The following ROCK2 variants were observed in gnomAD, a reference collection of about 807,000 sequenced individuals.
ROCK2 encodes Rho associated coiled-coil containing protein kinase 2, also known as rho-associated protein kinase 2.
In ROCK2, 61 loss-of-function variants were observed where a neutral mutation model predicts 195.1. The ratio of observed to expected loss-of-function variants is 0.31; its 90% CI spans 0.25 to 0.39. The LOEUF is 0.39. ROCK2 is among the 10% of genes least tolerant of loss of function. The pLI is 1.00. For missense variants in ROCK2, 1,109 were observed against 1,637.4 expected, an observed-to-expected ratio of 0.68 and a Z score of 5.57; for synonymous variants, 504 against 545.5, an observed-to-expected ratio of 0.92 and a Z score of 1.06.
At chr2:11,335,070 T>A (rs917898436) in intron 1 of ROCK2, among the ~76,000 whole-genome samples, 1 of 150,004 alleles carries the variant, frequency 6.7e-6, no homozygotes, top group Non-Finnish European at 1.5e-5. Flanking sequence ...TTATTGACAA[T>A]GAACTAAAAA....
chr2:11,184,969 C>T (rs959137476), intron 32 of ROCK2, among the ~76,000 whole-genome samples: 1 of 152,138 alleles, frequency 6.6e-6, no homozygotes, highest in East Asian at 1.9e-4. Flanking sequence ...ATCATGTTGG[C>T]CAAGTACACT....
chr2:11,234,204 A>G (rs1665124199), intron 5 of ROCK2: 1 of 152,170 alleles, frequency 6.6e-6, no homozygotes, highest in African/African-American at 2.4e-5. Flanking sequence ...ATTTGCTTAC[A>G]TGCTTATACA....
chr2:11,180,808 A>G lies in ROCK2; in HGVS notation c.*2629T>C, dbSNP rs1420516615. ...ATTTAATAAGTGTTGGGAAGAAAAC[A>G]CATTGATAGGTGCATGCACTCATGT... On this transcript the variant is annotated 3_prime_UTR_variant, in exon 33 of 33. Transcript: ENST00000315872. The G allele has an allele frequency of 6.6e-6, 1 of 152,218 alleles. No individual in the cohort carries two copies. The highest frequency in any genetic ancestry group is 1.5e-5 in the Non-Finnish European group (1 of 68,038). 9.4% of individuals were successfully genotyped at this position (152,218 alleles called of 1,614,324 possible). A position where few individuals can be genotyped will look rare whatever the true frequency, so the allele number is the denominator to read the frequency against.
intron 1 of ROCK2, among the ~76,000 whole-genome samples, chr2:11,319,002 T>C (rs532391737): frequency 2.0e-4 from 30 of 152,366 alleles, no homozygotes; most frequent in South Asian, 8.3e-4. Flanking sequence ...TTTTGGTTAC[T>C]GTAGCCTTGT....
chr2:11,342,773 CAT>C (rs1050092598), intron 1 of ROCK2, among the ~76,000 whole-genome samples: 2 of 152,226 alleles, frequency 1.3e-5, no homozygotes, highest in African/African-American at 2.4e-5. Context: ...ACATCAAACA[CAT>C]GTGACACAAT....
At chr2:11,289,374 T>C (rs1667293694) in intron 1 of ROCK2, among the ~76,000 whole-genome samples, 1 of 152,198 alleles carries the variant, frequency 6.6e-6, no homozygotes, top group South Asian at 2.1e-4. Context: ...TTTATTAGTA[T>C]AATTTTGATA....
At chr2:11,263,139 T>C (rs1385797536) in intron 3 of ROCK2, among the ~76,000 whole-genome samples, 1 of 152,216 alleles carries the variant, frequency 6.6e-6, no homozygotes, top group Admixed American at 6.5e-5. Context: ...AAGTTGAGTT[T>C]ACATGAGTAG....
At chr2:11,330,750 A>AGGG (rs1284607894) in intron 1 of ROCK2, among the ~76,000 whole-genome samples, 2 of 37,260 alleles carry the variant, frequency 5.4e-5, no homozygotes, top group Non-Finnish European at 1.3e-4. Context: ...GGGAGGAGGG[A>AGGG]GGAGGAGGAG....
At chr2:11,185,725 G>A (rs553064028) in intron 32 of ROCK2, among the ~76,000 whole-genome samples, 131 of 151,802 alleles carry the variant, frequency 8.6e-4, no homozygotes, top group Admixed American at 1.7e-3. Context: ...GTGAGACTTC[G>A]TCTCAAAAAA....
chr2:11,238,090 G>A (rs1009155650), intron 4 of ROCK2, among the ~76,000 whole-genome samples: 1 of 152,010 alleles, frequency 6.6e-6, no homozygotes, highest in African/African-American at 2.4e-5. Context: ...GGGGAGAAAA[G>A]GAATAAATCC....
chr2:11,197,412 G>T lies in ROCK2; in HGVS notation c.3280-64C>A. ...ACATAACTCAACATTTTGCTTCTTG[G>T]TTCAATAATAATTATTAAATAGAAA... On this transcript the variant is annotated intron_variant, in intron 26 of 32. Transcript: ENST00000315872. This position sits in a 1 kb window ranked among gnomAD's most constrained non-coding sequence, Gnocchi z 4.9. 1 of 1,542,190 alleles carries T rather than the reference G, an allele frequency of 6.5e-7. No individual in the cohort carries two copies. The highest frequency in any genetic ancestry group is 8.8e-7 in the Non-Finnish European group (1 of 1,130,194).
rs1331339792 is a variant in ROCK2 at position 11,344,381 on chromosome 2, C to G, written c.-245G>C. 5 of 1,141,044 alleles carry G rather than the reference C, an allele frequency of 4.4e-6. No individual in the cohort carries two copies. The highest frequency in any genetic ancestry group is 5.4e-6 in the Non-Finnish European group (5 of 930,294). 70.7% of individuals were successfully genotyped at this position (1,141,044 alleles called of 1,614,324 possible). ...GGAGCGGCGGGGAACAGACGGCGTC[C>G]CCGCCCCTCAGTCAGATTCGCGCCG... On this transcript the variant is annotated 5_prime_UTR_variant, in exon 1 of 33. Coordinates refer to ENST00000315872, the MANE Select transcript of ROCK2 (RefSeq NM_004850.5). The surrounding 1 kb of genome is among the most constrained non-coding windows in gnomAD (Gnocchi z 5.4).
At chr2:11,268,586 A>G (rs1359760695) in intron 3 of ROCK2, among the ~76,000 whole-genome samples, 4 of 146,524 alleles carry the variant, frequency 2.7e-5, no homozygotes, top group Non-Finnish European at 4.5e-5. Context: ...CTTTTTTTCT[A>G]TCAGCCCTTT....
intron 6 of ROCK2, among the ~76,000 whole-genome samples, chr2:11,224,879 A>C (rs914075391): frequency 1.3e-5 from 2 of 152,192 alleles, no homozygotes; most frequent in African/African-American, 4.8e-5. Context: ...CACAGTTGCC[A>C]CTAGCTATAG....
chr2:11,307,589 G>A (rs952880949), intron 1 of ROCK2, among the ~76,000 whole-genome samples: 2 of 152,188 alleles, frequency 1.3e-5, no homozygotes, highest in African/African-American at 4.8e-5. Flanking sequence ...TGGTATTACA[G>A]GCGTTAGCCA....
intron 1 of ROCK2, among the ~76,000 whole-genome samples, chr2:11,341,821 G>A (rs2148282666): frequency 6.6e-6 from 1 of 152,136 alleles, no homozygotes; most frequent in South Asian, 2.1e-4. Context: ...TATTTCGTCA[G>A]TATTTCAGGA....
intron 1 of ROCK2, among the ~76,000 whole-genome samples, chr2:11,299,558 A>G (rs1667642537): frequency 6.6e-6 from 1 of 152,056 alleles, no homozygotes; most frequent in Admixed American, 6.6e-5. Flanking sequence ...AAAAAAAAAA[A>G]TGGAGAAGTG....
At chr2:11,248,901 T>C (rs1665727773) in intron 4 of ROCK2, among the ~76,000 whole-genome samples, 1 of 151,896 alleles carries the variant, frequency 6.6e-6, no homozygotes. Flanking sequence ...TAACATAAGC[T>C]TCTTTTTTTG....
At position 11,218,460 on chromosome 2, in the gene ROCK2, G is replaced by T; in HGVS notation, c.1327C>A (p.Gln443Lys). The stretch of plus-strand genomic sequence containing the variant: ...ATCTGACAACATCAACATACCTCTT[G>T]ACTTTCCTATTTAAAACAAAACAGA... ...SIQSRKNEES[Q>K]EIQKKLYTLE... The change falls in exon 11 of 33, where the codon CAA (glutamine) becomes AAA (lysine). Residue 443 changes from glutamine to lysine, a missense_variant. Gln to Lys is a moderately conservative substitution (Grantham distance 53). Transcript: ENST00000315872. The T allele has an allele frequency of 6.4e-7, 1 of 1,555,316 alleles. No individual in the cohort carries two copies.
Sources: allele counts gnomAD v4.1 joint callset (sites outside exome capture counted in the v4.1 genomes callset), GRCh38; gene constraint gnomAD v4.1.1; non-coding constraint Gnocchi (gnomAD v3.1); transcripts MANE v1.5; gene names NCBI Gene and HGNC (gene_info 2026-07-23, HGNC 2026-07-21).